BCAS3: variants seen among roughly 807,000 people sequenced by gnomAD.
BCAS3 encodes BCAS4/BCAS3 fusion.
In BCAS3, 53 loss-of-function variants were observed where a neutral mutation model predicts 116.1. The ratio of observed to expected loss-of-function variants is 0.46; its 90% CI spans 0.37 to 0.57. The LOEUF (loss-of-function observed/expected upper bound fraction) is 0.57, where lower values mean the gene tolerates loss of function less well. BCAS3 is among the 20% of genes least tolerant of loss of function. The pLI, the probability that BCAS3 is intolerant of heterozygous loss-of-function variation, is 0.00. For synonymous variants in BCAS3, 391 were observed against 408.2 expected, an observed-to-expected ratio of 0.96 and a Z score of 0.51; for missense variants, 917 against 1,165.4, an observed-to-expected ratio of 0.79 and a Z score of 3.10.
intron 4 of BCAS3, among the ~76,000 whole-genome samples, chr17:60,699,438 C>T (rs954855609): frequency 6.6e-6 from 1 of 152,096 alleles, no homozygotes; most frequent in Admixed American, 6.6e-5. Context: ...CCTGGCTGGT[C>T]TTGAACTTCT....
In BCAS3 at chr17:61,381,434, C is replaced by T. The variant is rs1164084192; in HGVS notation, c.2594-10543C>T. Among the ~76,000 whole-genome samples the T allele has an allele frequency of 3.3e-5, 5 of 152,134 alleles. No homozygotes were observed. Among genetic ancestry groups the T allele is most frequent in the Admixed American group, 6.5e-5 (1 of 15,280 alleles). On this transcript the variant is annotated intron_variant, in intron 23 of 23. Transcript: ENST00000407086. The surrounding 1 kb of genome is among the most constrained non-coding windows in gnomAD (Gnocchi z 6.0). ...GCTGAGACTGTGATCCTTTCCCAGCCGCGGCGTGTGGGCTTGAGACACAGG... is the reference window on the plus strand; with the variant it reads ...GCTGAGACTGTGATCCTTTCCCAGCTGCGGCGTGTGGGCTTGAGACACAGG...
rs997160072 is a variant in BCAS3 at position 61,105,975 on chromosome 17, T to G, written c.2425+21411T>G. Among the ~76,000 whole-genome samples, 1 of 152,184 alleles carries G rather than the reference T, an allele frequency of 6.6e-6. No individual in the cohort carries two copies. Reference sequence around the variant, plus strand: ...TACAGCATCCCTCCCAGACCGTGAATCATCCCTTTGTCTGGCATCTCCAGG... The same window carrying G: ...TACAGCATCCCTCCCAGACCGTGAAGCATCCCTTTGTCTGGCATCTCCAGG... On this transcript the variant is annotated intron_variant, in intron 22 of 23. Transcript: ENST00000407086. This position sits in a 1 kb window ranked among gnomAD's most constrained non-coding sequence, Gnocchi z 4.3.
At chr17:60,944,805 C>T (rs2060400400) in intron 13 of BCAS3, among the ~76,000 whole-genome samples, 1 of 152,112 alleles carries the variant, frequency 6.6e-6, no homozygotes, top group Non-Finnish European at 1.5e-5. Context: ...CAGAAAAGCA[C>T]TTGAAAAATT....
At chr17:60,725,238 C>T (rs924211936) in intron 5 of BCAS3, among the ~76,000 whole-genome samples, 5 of 152,218 alleles carry the variant, frequency 3.3e-5, no homozygotes, top group African/African-American at 1.2e-4. Context: ...TTCTTATACT[C>T]TATTTTTTCA....
intron 2 of BCAS3, 27 bp from the exon 3 acceptor site, chr17:60,683,955 A>G: frequency 6.3e-7 from 1 of 1,596,198 alleles, no homozygotes; most frequent in Non-Finnish European, 8.6e-7. Flanking sequence ...TCTCCTGACC[A>G]GTGTTGTCCA....
At chr17:60,773,450 A>G (rs1028417117) in intron 6 of BCAS3, among the ~76,000 whole-genome samples, 7 of 151,854 alleles carry the variant, frequency 4.6e-5, no homozygotes, top group African/African-American at 1.7e-4. Flanking sequence ...GCACCGCCAC[A>G]TCTGGCTGAT....
chr17:61,064,902 G>A (rs1235617494), intron 19 of BCAS3, among the ~76,000 whole-genome samples: 1 of 152,188 alleles, frequency 6.6e-6, no homozygotes, highest in Non-Finnish European at 1.5e-5. Flanking sequence ...TTGGTATAGG[G>A]ATGGCTGCTA....
At position 61,196,961 on chromosome 17, in the gene BCAS3, G is replaced by A. The variant is rs1304270976; in HGVS notation, c.2425+112397G>A. ...CAATGCTAGAGAAGATAATAATTGTGGTGTTGGCTCACTCCCAGAATTTTA... is the reference window on the plus strand; with the variant it reads ...CAATGCTAGAGAAGATAATAATTGTAGTGTTGGCTCACTCCCAGAATTTTA... On this transcript the variant is annotated intron_variant, in intron 22 of 23. Transcript: ENST00000407086. The surrounding 1 kb of genome is among the most constrained non-coding windows in gnomAD (Gnocchi z 4.7). Among the ~76,000 whole-genome samples the A allele has an allele frequency of 6.6e-6, 1 of 152,120 alleles. No homozygotes were observed. The highest frequency in any genetic ancestry group is 2.4e-5 in the African/African-American group (1 of 41,414).
At chr17:61,318,520 T>A (rs2144807443) in intron 22 of BCAS3, among the ~76,000 whole-genome samples, 1 of 152,302 alleles carries the variant, frequency 6.6e-6, no homozygotes, top group African/African-American at 2.4e-5. Context: ...AATGTGGGCA[T>A]TTCCAAGTGT....
At chr17:60,798,880 C>T (rs1004825920) in intron 6 of BCAS3, among the ~76,000 whole-genome samples, 1 of 152,196 alleles carries the variant, frequency 6.6e-6, no homozygotes, top group African/African-American at 2.4e-5. Flanking sequence ...GTTCTGGTAG[C>T]TGTGCAATGG....
chr17:60,962,580 T>A lies in BCAS3; in HGVS notation c.1221+15228T>A, dbSNP rs2061465020. Among the ~76,000 whole-genome samples, 1 of 152,164 alleles carries A rather than the reference T, an allele frequency of 6.6e-6. No individual in the cohort carries two copies. Among genetic ancestry groups the A allele is most frequent in the Non-Finnish European group, 1.5e-5 (1 of 68,026 alleles). On this transcript the variant is annotated intron_variant, in intron 14 of 23. Coordinates refer to ENST00000407086, the MANE Select transcript of BCAS3 (RefSeq NM_017679.5). The surrounding 1 kb of genome is among the most constrained non-coding windows in gnomAD (Gnocchi z 4.4). Reference sequence around the variant, plus strand: ...GGTTGGATTTTGCCCATTTTAAAATTGGATTATTTGGGGGTTTTTGCTATT... The same window carrying A: ...GGTTGGATTTTGCCCATTTTAAAATAGGATTATTTGGGGGTTTTTGCTATT...
intron 6 of BCAS3, among the ~76,000 whole-genome samples, chr17:60,773,945 C>G (rs566371807): frequency 6.6e-6 from 1 of 152,196 alleles, no homozygotes; most frequent in South Asian, 2.1e-4. Context: ...CTTTGCCCGG[C>G]CTTACTGTTA....
rs1033059327 is a variant in BCAS3, at chr17:60,713,867, G to T, written c.321+4542G>T. Among the ~76,000 whole-genome samples the T allele has an allele frequency of 2.6e-5, 4 of 152,186 alleles. No homozygotes were observed. The East Asian group carries it at 7.7e-4, about 29-fold the overall frequency. Reference sequence around the variant, plus strand: ...GTTTGTTTTTGAGACTGAGTCTCACGCTGTTGCCCAGGCTGGAGTGCAGAG... The same window carrying T: ...GTTTGTTTTTGAGACTGAGTCTCACTCTGTTGCCCAGGCTGGAGTGCAGAG... On this transcript the variant is annotated intron_variant, in intron 5 of 23. Coordinates refer to ENST00000407086, the MANE Select transcript of BCAS3 (RefSeq NM_017679.5).
At chr17:60,837,441 A>C (rs773849679) in intron 7 of BCAS3, among the ~76,000 whole-genome samples, 1 of 152,200 alleles carries the variant, frequency 6.6e-6, no homozygotes, top group Non-Finnish European at 1.5e-5. Context: ...CAAAGTACTG[A>C]TATCAGGAAT....
chr17:60,793,108 A>T (rs1440502497), intron 6 of BCAS3, among the ~76,000 whole-genome samples: 1 of 151,630 alleles, frequency 6.6e-6, no homozygotes, highest in Non-Finnish European at 1.5e-5. Context: ...TAATTAATTA[A>T]TTATTTTTAG....
intron 14 of BCAS3, among the ~76,000 whole-genome samples, chr17:60,957,741 A>G (rs1330239025): frequency 6.6e-6 from 1 of 152,192 alleles, no homozygotes; most frequent in Admixed American, 6.5e-5. Flanking sequence ...AACTAAGGAC[A>G]GGCTAAATAC....
chr17:61,045,891 TATAATATATATAAATATATA>T (rs2068069521), intron 19 of BCAS3, among the ~76,000 whole-genome samples: 1 of 38,776 alleles, frequency 2.6e-5, no homozygotes, highest in Non-Finnish European at 3.5e-5. Flanking sequence ...ATATTATATA[TATAATATATATAAATATATA>T]TTTATATATA....
intron 22 of BCAS3, among the ~76,000 whole-genome samples, chr17:61,338,851 G>T (rs1334511887): frequency 8.1e-6 from 1 of 124,152 alleles, no homozygotes; most frequent in Non-Finnish European, 1.6e-5. Context: ...ATTCTTATCA[G>T]TCCTCAAATG....
Position 61,087,079 on chromosome 17 carries a change from A to T in BCAS3, c.2425+2515A>T. The T allele has an allele frequency of 1.0e-6, 1 of 985,010 alleles. No homozygotes were observed. The highest frequency in any genetic ancestry group is 1.2e-6 in the Non-Finnish European group (1 of 829,580). 61.0% of individuals were successfully genotyped at this position (985,010 alleles called of 1,614,324 possible). ...CTTTATGTAAACATATTTATGGGAAAATTTTGTTGTAGATTCTTCTGTTAA... is the reference window on the plus strand; with the variant it reads ...CTTTATGTAAACATATTTATGGGAATATTTTGTTGTAGATTCTTCTGTTAA... On this transcript the variant is annotated intron_variant, in intron 22 of 23. Coordinates refer to ENST00000407086, the MANE Select transcript of BCAS3 (RefSeq NM_017679.5). This position sits in a 1 kb window ranked among gnomAD's most constrained non-coding sequence, Gnocchi z 4.6.
Sources: gnomAD v4.1 joint callset for allele counts (sites outside exome capture counted in the v4.1 genomes callset) on GRCh38, gnomAD v4.1.1 for gene constraint, Gnocchi (gnomAD v3.1) non-coding constraint, MANE v1.5 for transcripts, NCBI Gene and HGNC (gene_info 2026-07-23, HGNC 2026-07-21) for gene names.